MAP3K13: variants seen among roughly 807,000 people sequenced by gnomAD.
MAP3K13 encodes the protein mitogen-activated protein kinase kinase kinase 13.
A neutral mutation model predicts 104.0 loss-of-function variants in MAP3K13; 52 were observed. The observed-to-expected ratio is 0.50, with a 90% CI of 0.40 to 0.63. The LOEUF is 0.63. MAP3K13 is among the 20% of genes least tolerant of loss of function. MAP3K13 has a pLI of 0.00. For synonymous variants in MAP3K13, 394 were observed against 442.2 expected (o/e 0.89, Z 1.37); for missense variants, 914 against 1,218.5 (o/e 0.75, Z 3.72).
At chr3:185,412,561 A>C (rs1713512113) in intron 1 of MAP3K13, among the ~76,000 whole-genome samples, 1 of 152,230 alleles carries the variant, frequency 6.6e-6, no homozygotes, top group Admixed American at 6.5e-5. Flanking sequence ...GACAATTTCA[A>C]ATTTCTATTG....
intron 2 of MAP3K13, among the ~76,000 whole-genome samples, chr3:185,314,182 G>A (rs1282604836): frequency 6.6e-6 from 1 of 152,090 alleles, no homozygotes; most frequent in Non-Finnish European, 1.5e-5. Context: ...GGCCATAGAG[G>A]GTGCTTAATA....
chr3:185,403,171 A>G lies in MAP3K13; in HGVS notation c.-85-25326A>G, dbSNP rs544800353. On this transcript the variant is annotated intron_variant, in intron 1 of 13. Coordinates refer to ENST00000265026, the MANE Select transcript of MAP3K13 (RefSeq NM_004721.5). ...TAGCTAAAGTAGATAGGCGTAATCT[A>G]ATCAAAAGAGTTTAATTCAGATCAG... is the stretch of plus-strand genomic sequence containing the variant. Among the ~76,000 whole-genome samples the G allele has an allele frequency of 2.0e-5, 3 of 152,340 alleles. 1 individual carries two copies. The highest frequency in any genetic ancestry group is 4.1e-4 in the South Asian group (2 of 4,822).
At position 185,284,825 on chromosome 3, in the gene MAP3K13, A is replaced by G. The variant is rs201419166; in HGVS notation, c.-204-700A>G. On this transcript the variant is annotated intron_variant, in intron 1 of 14. Transcript: ENST00000424227. ...CAGGGACCTAAAAAACAACTACTGT[A>G]ACCAGATTGGTTTTGGTTGTCAAAT... Among the ~76,000 whole-genome samples the G allele has an allele frequency of 4.6e-5, 7 of 152,298 alleles. No homozygotes were observed. The East Asian group carries it at 1.3e-3, about 29-fold the overall frequency.
At chr3:185,305,507 A>G (rs1485378481) in intron 2 of MAP3K13, among the ~76,000 whole-genome samples, 2 of 152,094 alleles carry the variant, frequency 1.3e-5, no homozygotes, top group African/African-American at 4.8e-5. Context: ...TAAATTCTAC[A>G]TGGGAATTAA....
At chr3:185,339,747 T>C (rs1210013031) in intron 2 of MAP3K13, among the ~76,000 whole-genome samples, 1 of 152,194 alleles carries the variant, frequency 6.6e-6, no homozygotes, top group Non-Finnish European at 1.5e-5. Flanking sequence ...TTTGTAAAAA[T>C]AAGCAGCCAG....
At chr3:185,300,776 G>A (rs1238478817) in intron 2 of MAP3K13, among the ~76,000 whole-genome samples, 1 of 152,186 alleles carries the variant, frequency 6.6e-6, no homozygotes, top group Non-Finnish European at 1.5e-5. Context: ...ACAGACATGA[G>A]CCACCACGCC....
At position 185,480,450 on chromosome 3, in the gene MAP3K13, C is replaced by G; in HGVS notation, c.2720C>G (p.Ser907Cys). ...IDISSHSDGL[S>C]DKECAVRRVK... ...ATATCCTCACACTCGGATGGGCTCT[C>G]TGACAAGGAGTGTGCCGTGCGCCGT... The change falls in exon 13 of 14, where the codon TCT becomes TGT. Residue 907 changes from serine (S) to cysteine (C), a missense_variant. Ser to Cys is a moderately radical substitution (Grantham distance 112). Around this residue, in one of 3 missense-constraint regions of MAP3K13, gnomAD observed 583 missense variants for 737.4 expected, o/e 0.79. Coordinates refer to ENST00000265026, the MANE Select transcript of MAP3K13 (RefSeq NM_004721.5). The G allele has an allele frequency of 6.2e-7, 1 of 1,614,228 alleles. No individual in the cohort carries two copies. Among genetic ancestry groups the G allele is most frequent in the Non-Finnish European group, 8.5e-7 (1 of 1,180,036 alleles).
chr3:185,358,033 A>G (rs1319577746), intron 2 of MAP3K13, among the ~76,000 whole-genome samples: 1 of 152,156 alleles, frequency 6.6e-6, no homozygotes, highest in Non-Finnish European at 1.5e-5. Flanking sequence ...TTTAGTGCAA[A>G]TTTTTATTTA....
chr3:185,463,634 A>C lies in MAP3K13; in HGVS notation c.1363A>C (p.Ile455Leu). 6.2e-7 allele frequency: 1 copy of C among 1,612,630 alleles called. No homozygotes were observed. The highest frequency in any genetic ancestry group is 8.5e-7 in the Non-Finnish European group (1 of 1,178,808). ...TCIHRLDEEL[I>L]RRRREELRHA... is the part of the protein sequence containing the mutation. ...TATACACCGGTTAGATGAAGAACTG[A>C]TTCGAAGGCGCAGAGAAGAGCTCAG... The change falls in exon 8 of 14, where the codon ATT (isoleucine) becomes CTT (leucine). Residue 455 changes from isoleucine to leucine, a missense_variant. Ile to Leu is a conservative substitution (Grantham distance 5, BLOSUM62 2). This residue lies in a region of MAP3K13 where 583 missense variants were observed against 737.4 expected (regional missense o/e 0.79). Transcript: ENST00000265026.
chr3:185,399,626 CGGGGGGGG>C (rs1214848091), intron 1 of MAP3K13, among the ~76,000 whole-genome samples: 4 of 312 alleles, frequency 0.013, 2 homozygotes, highest in African/African-American at 0.057. Flanking sequence ...GAGAGAAAGG[CGGGGGGGG>C]GGGGGGAGGG....
chr3:185,309,864 C>T (rs1455951563), intron 2 of MAP3K13, among the ~76,000 whole-genome samples: 1 of 152,146 alleles, frequency 6.6e-6, no homozygotes, highest in Non-Finnish European at 1.5e-5. Flanking sequence ...AGATATAAGG[C>T]AAAATTTCAT....
Position 185,473,243 on chromosome 3 carries a change from C to CA in MAP3K13, c.1913dup (p.Gln639AlafsTer59), listed in dbSNP as rs750578160. 1 of 1,614,216 alleles carries CA rather than the reference C, an allele frequency of 6.2e-7. No homozygotes were observed. The highest frequency in any genetic ancestry group is 8.5e-7 in the Non-Finnish European group (1 of 1,180,036). ...TTCTCTTCATCACCATAATTCTCTG[C>CA]AGCAGCAATACCAGCAGCCCCCTCC... On this transcript the variant is annotated frameshift_variant, in exon 11 of 14. Transcript: ENST00000265026. LOFTEE classifies it high-confidence loss of function. This position sits in a 1 kb window ranked among gnomAD's most constrained non-coding sequence, Gnocchi z 4.9.
chr3:185,355,355 T>C (rs1723306843), intron 2 of MAP3K13, among the ~76,000 whole-genome samples: 1 of 151,744 alleles, frequency 6.6e-6, no homozygotes, highest in Admixed American at 6.6e-5. Flanking sequence ...TAATCCCAGC[T>C]ACTCCAGAGG....
rs572908440 is a variant in MAP3K13, at chr3:185,389,045, G to A, written c.-86+25677G>A. Among the ~76,000 whole-genome samples the A allele has an allele frequency of 9.2e-5, 14 of 152,208 alleles. 1 individual carries two copies. In the East Asian group the frequency reaches 2.7e-3, roughly 29 times the overall value. On this transcript the variant is annotated intron_variant, in intron 1 of 13. Coordinates refer to ENST00000265026, the MANE Select transcript of MAP3K13 (RefSeq NM_004721.5). ...CTTAGAAAAGACCTTTTAGACATCA[G>A]TGTATGAGAGTATGTTCTCTGCGTT...
At chr3:185,373,823 A>ATTTT (rs148364519) in intron 1 of MAP3K13, among the ~76,000 whole-genome samples, 10 of 113,356 alleles carry the variant, frequency 8.8e-5, no homozygotes, top group African/African-American at 3.5e-4. Context: ...AGTGAAAAGG[A>ATTTT]TTTTTTTTTT....
intron 10 of MAP3K13, among the ~76,000 whole-genome samples, chr3:185,468,031 AACTC>A (rs936255009): frequency 1.3e-5 from 2 of 152,036 alleles, no homozygotes; most frequent in African/African-American, 2.4e-5. Flanking sequence ...ATCTCATGAA[AACTC>A]ACTCACTCAC....
Position 185,473,274 on chromosome 3 carries a change from T to C in MAP3K13, c.1943T>C (p.Met648Thr). The change falls in exon 11 of 14, where the codon ATG becomes ACG. Residue 648 changes from methionine (M) to threonine (T), a missense_variant. Coordinates refer to ENST00000265026, the MANE Select transcript of MAP3K13 (RefSeq NM_004721.5). The surrounding 1 kb of genome is among the most constrained non-coding windows in gnomAD (Gnocchi z 4.9). ...CAATACCAGCAGCCCCCTCCTGCCA[T>C]GTCCCAGAGTCACCATCCCAGACTC... ...QQQYQQPPPA[M>T]SQSHHPRLNM... The C allele has an allele frequency of 1.9e-6, 3 of 1,614,208 alleles. No homozygotes were observed. The highest frequency in any genetic ancestry group is 2.5e-6 in the Non-Finnish European group (3 of 1,180,032).
chr3:185,381,611 T>C (rs1442340929), intron 1 of MAP3K13, among the ~76,000 whole-genome samples: 2 of 152,220 alleles, frequency 1.3e-5, no homozygotes, highest in African/African-American at 4.8e-5. Flanking sequence ...CCCTGTTTTT[T>C]GCATTTTTGT....
At chr3:185,372,856 C>T (rs1387720282) in intron 1 of MAP3K13, among the ~76,000 whole-genome samples, 1 of 152,080 alleles carries the variant, frequency 6.6e-6, no homozygotes, top group African/African-American at 2.4e-5. Context: ...GCAAAGAGGA[C>T]CCTAAGATAA....
Sources: gnomAD v4.1 joint callset for allele counts (sites outside exome capture counted in the v4.1 genomes callset) on GRCh38, gnomAD v4.1.1 for gene constraint, gnomAD v4.1.1 regional missense constraint, Gnocchi (gnomAD v3.1) non-coding constraint, MANE v1.5 for transcripts, NCBI Gene and HGNC (gene_info 2026-07-23, HGNC 2026-07-21) for gene names.